The following DPP9 variants were observed in gnomAD, a reference collection of about 807,000 sequenced individuals.
The protein encoded by DPP9 is dipeptidyl peptidase 9, also known as dipeptidyl peptidase IV-related protein-2.
In DPP9, 50 loss-of-function variants were observed where a neutral mutation model predicts 110.7. The ratio of observed to expected loss-of-function variants is 0.45; its 90% CI spans 0.36 to 0.57. The LOEUF (loss-of-function observed/expected upper bound fraction) is 0.57. Among genes scored for constraint, DPP9 ranks in the 20% least tolerant of loss-of-function variants. DPP9 has a pLI of 0.00. For missense variants in DPP9, 1,022 were observed against 1,217.9 expected, an observed-to-expected ratio of 0.84 and a Z score of 2.39; for synonymous variants, 561 against 514.4, an observed-to-expected ratio of 1.09 and a Z score of -1.23.
chr19:4,686,875 T>C (rs959030653), intron 16 of DPP9, among the ~76,000 whole-genome samples: 4 of 152,216 alleles, frequency 2.6e-5, no homozygotes, highest in Admixed American at 1.3e-4. Flanking sequence ...CTCCGTGCTG[T>C]GTCTCTGTGT....
Position 4,689,727 on chromosome 19 carries a change from AG to A in DPP9, c.1597-6del. 1 of 1,543,482 alleles carries A rather than the reference AG, an allele frequency of 6.5e-7. No individual in the cohort carries two copies. The highest frequency in any genetic ancestry group is 1.2e-5 in the South Asian group (1 of 83,648). Reference sequence around the variant, plus strand: ...GGTCTCCTCATTGACCCAGATCTGCAGGGGGACAGGGGATCCTCGTGATGCG... The same window carrying A: ...GGTCTCCTCATTGACCCAGATCTGCAGGGGACAGGGGATCCTCGTGATGCG... On this transcript the variant is annotated splice_region_variant and splice_polypyrimidine_tract_variant and intron_variant, in intron 14 of 21. Coordinates refer to ENST00000262960, the MANE Select transcript of DPP9 (RefSeq NM_139159.5). This position sits in a 1 kb window ranked among gnomAD's most constrained non-coding sequence, Gnocchi z 7.0.
intron 20 of DPP9, among the ~76,000 whole-genome samples, chr19:4,681,179 G>A (rs2089823273): frequency 6.6e-6 from 1 of 152,186 alleles, no homozygotes; most frequent in Non-Finnish European, 1.5e-5. Context: ...CAGATCGGTG[G>A]CTGCCCCGGG....
rs1201933460 is a variant in DPP9 at position 4,702,715 on chromosome 19, A to C, written c.771T>G (p.Gly257=). The C allele has an allele frequency of 6.4e-7, 1 of 1,573,328 alleles. No homozygotes were observed. Among genetic ancestry groups the C allele is most frequent in the South Asian group, 1.2e-5 (1 of 86,530 alleles). ...EERRLTFCHQ[G]LSNVLDDPKS... ...TGGGGTCATCCAGGACATTGGATAA[A>C]CCTAGGGGGAGGGACGGAGAGCATC... Residue 257 remains glycine (G), a splice_region_variant and synonymous_variant, in exon 8 of 22, where the codon GGT becomes GGG. Transcript: ENST00000262960.
intron 18 of DPP9, chr19:4,683,857 G>C (rs1472355392): frequency 6.6e-7 from 1 of 1,520,600 alleles, no homozygotes; most frequent in South Asian, 1.2e-5. Flanking sequence ...GGCTCTGGGA[G>C]CCACGTCCCC....
chr19:4,717,221 A>G (rs1347862321), intron 3 of DPP9, among the ~76,000 whole-genome samples: 2 of 152,308 alleles, frequency 1.3e-5, no homozygotes, highest in East Asian at 3.9e-4. Context: ...AAAGACACGA[A>G]CCAAAGGACA....
rs1010127364 is a variant in DPP9 at position 4,695,828 on chromosome 19, T to G, written c.1176-273A>C. Among the ~76,000 whole-genome samples the G allele has an allele frequency of 1.1e-4, 16 of 152,232 alleles. No individual in the cohort carries two copies. The highest frequency in any genetic ancestry group is 3.9e-4 in the African/African-American group (16 of 41,462). On this transcript the variant is annotated intron_variant, in intron 11 of 21. Transcript: ENST00000262960. The surrounding 1 kb of genome is among the most constrained non-coding windows in gnomAD (Gnocchi z 4.7). ...TCTCACAGCGGCAAGCTCTAATAGT[T>G]TCTCCTCTTCACTGACTCTTCGGCC...
intron 19 of DPP9, 171 bp downstream of exon 19, chr19:4,683,306 G>A (rs1327726264): frequency 6.9e-7 from 1 of 1,445,570 alleles, no homozygotes; most frequent in South Asian, 1.5e-5. Flanking sequence ...GAGGAGGGGG[G>A]CTCGGCCCCG....
At chr19:4,677,440 T>C (rs1314448852) in intron 21 of DPP9, among the ~76,000 whole-genome samples, 1 of 152,152 alleles carries the variant, frequency 6.6e-6, no homozygotes, top group Non-Finnish European at 1.5e-5. Flanking sequence ...GCCAGTGAGA[T>C]GGGTTTCTGA....
chr19:4,676,475 G>A lies in DPP9; in HGVS notation c.*89C>T. Reference sequence around the variant, plus strand: ...GGGCGGGACAAAGTGCCTCACTGGGGCCCGCGGGCCACTCAGTCCCTCCCG... The same window carrying A: ...GGGCGGGACAAAGTGCCTCACTGGGACCCGCGGGCCACTCAGTCCCTCCCG... On this transcript the variant is annotated 3_prime_UTR_variant, in exon 22 of 22. Coordinates refer to ENST00000262960, the MANE Select transcript of DPP9 (RefSeq NM_139159.5). This position sits in a 1 kb window ranked among gnomAD's most constrained non-coding sequence, Gnocchi z 4.0. 8.6e-7 allele frequency: 1 copy of A among 1,167,208 alleles called. No homozygotes were observed. Among genetic ancestry groups the A allele is most frequent in the Non-Finnish European group, 1.2e-6 (1 of 802,142 alleles). The allele number at this position is 1,167,208 out of a possible 1,614,324, so 72.3% of individuals were successfully genotyped here.
chr19:4,675,349 T>C lies in DPP9; in HGVS notation c.*1215A>G, dbSNP rs1276371088. 1.3e-5 allele frequency: 2 copies of C among 152,556 alleles called. No homozygotes were observed. The highest frequency in any genetic ancestry group is 2.4e-5 in the African/African-American group (1 of 41,524). The allele number at this position is 152,556 out of a possible 1,614,324, so 9.5% of individuals were successfully genotyped here. A position where few individuals can be genotyped will look rare whatever the true frequency, so the allele number is the denominator to read the frequency against. ...AGAGGTGGTTTGTTTCTTTTTTTTT[T>C]TTTTCTTTTCTTTTTACTTTTTTTT... On this transcript the variant is annotated 3_prime_UTR_variant, in exon 22 of 22. Transcript: ENST00000262960.
chr19:4,682,834 G>A lies in DPP9; in HGVS notation c.2336C>T (p.Ala779Val). 6.3e-7 allele frequency: 1 copy of A among 1,581,114 alleles called. No homozygotes were observed. The highest frequency in any genetic ancestry group is 8.6e-7 in the Non-Finnish European group (1 of 1,164,450). Residue 779 changes from alanine to valine, a missense_variant, in exon 20 of 22, where the codon GCC becomes GTC. Around this residue, in one of 3 missense-constraint regions of DPP9, gnomAD observed 209 missense variants for 280.4 expected, o/e 0.75. Transcript: ENST00000262960. This position sits in a 1 kb window ranked among gnomAD's most constrained non-coding sequence, Gnocchi z 7.1. ...LIHKPQVFKV[A>V]IAGAPVTVWM... ...GACGGTGACCGGGGCACCCGCGATGGCCACCTGAGGGACACAGCAGACAGA... is the reference window on the plus strand; with the variant it reads ...GACGGTGACCGGGGCACCCGCGATGACCACCTGAGGGACACAGCAGACAGA...
Position 4,719,861 on chromosome 19 carries a change from T to A in DPP9, c.46A>T (p.Ser16Cys). ...CGAGGCCAACCTCACCTTCTCCAAC[T>A]TCCGGTGTTCTCCTTGTCCAGGCGC... ...KLRLDKENTG[S>C]WRSFSLNSEG... Residue 16 changes from serine (S) to cysteine (C), a missense_variant, in exon 3 of 22, where the codon AGT (serine) becomes TGT (cysteine). Physicochemically the swap from Ser to Cys is moderately radical, Grantham distance 112. This residue lies in a region of DPP9 where 810 missense variants were observed against 920.6 expected (regional missense o/e 0.88). Transcript: ENST00000262960. 2 of 1,551,784 alleles carry A rather than the reference T, an allele frequency of 1.3e-6. No homozygotes were observed. Among genetic ancestry groups the A allele is most frequent in the Non-Finnish European group, 1.7e-6 (2 of 1,147,004 alleles).
intron 9 of DPP9, 44 bp downstream of exon 9, chr19:4,701,983 C>T: frequency 6.3e-7 from 1 of 1,596,702 alleles, no homozygotes; most frequent in Non-Finnish European, 8.5e-7. Flanking sequence ...GCCCCAGGGG[C>T]CTCAGATCCC....
At chr19:4,721,861 A>G (rs2093338805) in intron 2 of DPP9, among the ~76,000 whole-genome samples, 1 of 152,166 alleles carries the variant, frequency 6.6e-6, no homozygotes, top group Non-Finnish European at 1.5e-5. Flanking sequence ...ACCACGAAAA[A>G]TCACTGGCCA....
intron 18 of DPP9, 57 bp from the exon 19 acceptor site, chr19:4,683,686 G>A (rs781628581): frequency 9.3e-6 from 15 of 1,612,644 alleles, no homozygotes; most frequent in Non-Finnish European, 1.3e-5. Context: ...TCCCTCCCCT[G>A]CAGTGACACC....
In DPP9 at chr19:4,695,596, G is replaced by A; in HGVS notation, c.1176-41C>T. 1 of 1,429,906 alleles carries A rather than the reference G, an allele frequency of 7.0e-7. No individual in the cohort carries two copies. The highest frequency in any genetic ancestry group is 9.2e-7 in the Non-Finnish European group (1 of 1,085,130). The allele number at this position is 1,429,906 out of a possible 1,614,324, so 88.6% of individuals were successfully genotyped here. A position where few individuals can be genotyped will look rare whatever the true frequency, so the allele number is the denominator to read the frequency against. On this transcript the variant is annotated intron_variant, in intron 11 of 21. Coordinates refer to ENST00000262960, the MANE Select transcript of DPP9 (RefSeq NM_139159.5). The surrounding 1 kb of genome is among the most constrained non-coding windows in gnomAD (Gnocchi z 4.7). The stretch of plus-strand genomic sequence containing the variant: ...CGGGGGAAGATGAGAGGGAAGCTGG[G>A]AGCCTCAGTGGCCTGCACAGAGAAG...
intron 21 of DPP9, 180 bp downstream of exon 21, chr19:4,679,655 C>A: frequency 1.7e-6 from 1 of 596,940 alleles, no homozygotes; most frequent in South Asian, 2.0e-5. Flanking sequence ...AGGACTGATA[C>A]ATCAATGGCC....
At chr19:4,722,858 G>C (rs1377198621) in intron 1 of DPP9, 2 of 328,450 alleles carry the variant, frequency 6.1e-6, no homozygotes, top group Non-Finnish European at 1.1e-5. Flanking sequence ...TGGGAGGCAA[G>C]TGACTTCCTC....
At chr19:4,712,870 G>A (rs928012318) in intron 4 of DPP9, among the ~76,000 whole-genome samples, 15 of 152,348 alleles carry the variant, frequency 9.8e-5, no homozygotes, top group African/African-American at 3.4e-4. Context: ...TTGTTAGCAT[G>A]TGGTCAGCCT....
Sources: allele counts gnomAD v4.1 joint callset (sites outside exome capture counted in the v4.1 genomes callset), GRCh38; gene constraint gnomAD v4.1.1; regional missense constraint gnomAD v4.1.1; non-coding constraint Gnocchi (gnomAD v3.1); transcripts MANE v1.5; gene names NCBI Gene and HGNC (gene_info 2026-07-23, HGNC 2026-07-21).